The following WWTR1 variants were observed in gnomAD, a reference collection of about 807,000 sequenced individuals.
WWTR1 encodes the protein WW domain containing transcription regulator 1.
WWTR1 carries 13 observed loss-of-function variants against 40.1 expected under a neutral mutation model. The ratio of observed to expected loss-of-function variants is 0.32; its 90% CI spans 0.21 to 0.52. The LOEUF is 0.52. Among genes scored for constraint, WWTR1 ranks in the 20% least tolerant of loss-of-function variants. WWTR1 has a pLI of 0.97. For synonymous variants in WWTR1, 230 were observed against 210.1 expected (o/e 1.09, Z -0.82); for missense variants, 436 against 523.1 (o/e 0.83, Z 1.63).
Position 149,639,497 on chromosome 3 carries a change from G to A in WWTR1, c.431+17379C>T, listed in dbSNP as rs114913301. 7.9e-3 allele frequency among the ~76,000 whole-genome samples: 1,209 copies of A among 152,174 alleles called. 17 individuals are homozygous for A. The highest frequency in any genetic ancestry group is 0.027 in the African/African-American group (1,135 of 41,530). ...TTCTGGGATTATAAGTGTGAGCCAC[G>A]ACAACCTAAAGTTACCTCTTCTATT... On this transcript the variant is annotated intron_variant, in intron 2 of 6. Transcript: ENST00000360632.
intron 2 of WWTR1, among the ~76,000 whole-genome samples, chr3:149,597,549 G>A (rs1388739368): frequency 6.6e-6 from 1 of 152,160 alleles, no homozygotes; most frequent in Admixed American, 6.5e-5. Context: ...AGAGGCTGGG[G>A]TGGAAGGATC....
intron 2 of WWTR1, among the ~76,000 whole-genome samples, chr3:149,641,818 A>G (rs1436807293): frequency 6.6e-6 from 1 of 152,244 alleles, no homozygotes; most frequent in Non-Finnish European, 1.5e-5. Context: ...CAATGTTTCC[A>G]CTGTGTACCA....
chr3:149,580,527 C>T (rs960243506), intron 2 of WWTR1, among the ~76,000 whole-genome samples: 3 of 152,218 alleles, frequency 2.0e-5, no homozygotes, highest in African/African-American at 4.8e-5. Context: ...GTAGAAGCCC[C>T]ATCGCAGTGG....
intron 4 of WWTR1, among the ~76,000 whole-genome samples, chr3:149,538,549 A>G (rs761772948): frequency 3.5e-4 from 54 of 152,328 alleles, no homozygotes; most frequent in Non-Finnish European, 7.1e-4. Context: ...CTCTGTTGCT[A>G]CACCAGCCAA....
intron 2 of WWTR1, among the ~76,000 whole-genome samples, chr3:149,593,161 A>G (rs1441876037): frequency 6.6e-6 from 1 of 152,242 alleles, no homozygotes; most frequent in Admixed American, 6.5e-5. Context: ...CACTCCTGCC[A>G]GTTCAGTGCA....
chr3:149,601,070 C>A (rs1023512438), intron 2 of WWTR1, among the ~76,000 whole-genome samples: 12 of 152,332 alleles, frequency 7.9e-5, no homozygotes, highest in Middle Eastern at 3.4e-3. Context: ...ATTTTAACCA[C>A]CCTCCCAAGT....
At chr3:149,588,222 A>G (rs1738522218) in intron 2 of WWTR1, among the ~76,000 whole-genome samples, 1 of 152,218 alleles carries the variant, frequency 6.6e-6, no homozygotes, top group African/African-American at 2.4e-5. Flanking sequence ...CCAGCCTGGC[A>G]TATGAACGTG....
chr3:149,543,126 G>GA (rs1030431224), intron 3 of WWTR1, among the ~76,000 whole-genome samples: 1 of 152,082 alleles, frequency 6.6e-6, no homozygotes, highest in East Asian at 1.9e-4. Context: ...ATCTGACTGA[G>GA]AAAAAAATGT....
intron 1 of WWTR1, among the ~76,000 whole-genome samples, chr3:149,675,694 G>A (rs1422667616): frequency 1.3e-5 from 2 of 152,002 alleles, no homozygotes; most frequent in East Asian, 3.9e-4. Flanking sequence ...GTGGAGTGAA[G>A]GAGTAATATT....
intron 2 of WWTR1, among the ~76,000 whole-genome samples, chr3:149,609,535 A>G (rs544398718): frequency 1.3e-5 from 2 of 152,362 alleles, no homozygotes; most frequent in South Asian, 2.1e-4. Flanking sequence ...GTGTCCATAA[A>G]TACAGTTGTA....
At chr3:149,664,682 G>A (rs191701911) in intron 2 of WWTR1, among the ~76,000 whole-genome samples, 305 of 150,922 alleles carry the variant, frequency 2.0e-3, no homozygotes, top group African/African-American at 7.0e-3. Context: ...TCCACCTCCC[G>A]GGTTCAAACG....
At chr3:149,580,209 A>G (rs1738077877) in intron 2 of WWTR1, among the ~76,000 whole-genome samples, 2 of 152,106 alleles carry the variant, frequency 1.3e-5, no homozygotes, top group Admixed American at 1.3e-4. Flanking sequence ...AATGACATAT[A>G]TCTTACTCAT....
intron 2 of WWTR1, among the ~76,000 whole-genome samples, chr3:149,645,270 G>C (rs1021808377): frequency 6.6e-6 from 1 of 151,294 alleles, no homozygotes; most frequent in Non-Finnish European, 1.5e-5. Context: ...TAGTAGAGAT[G>C]GGGTTTCACC....
chr3:149,520,459 C>A lies in WWTR1; in HGVS notation c.*346G>T. 5.7e-6 allele frequency: 1 copy of A among 175,840 alleles called. No homozygotes were observed. Among genetic ancestry groups the A allele is most frequent in the Non-Finnish European group, 1.2e-5 (1 of 84,380 alleles). 10.9% of individuals were successfully genotyped at this position (175,840 alleles called of 1,614,324 possible). A position where few individuals can be genotyped will look rare whatever the true frequency, so the allele number is the denominator to read the frequency against. ...TGGTCAGCTTTTTATGGTTTAAAAT[C>A]AATTGGTGTATAAATTTCAATTAAC... On this transcript the variant is annotated 3_prime_UTR_variant, in exon 7 of 7. Coordinates refer to ENST00000360632, the MANE Select transcript of WWTR1 (RefSeq NM_015472.6).
rs1576536289 is a variant in WWTR1 at position 149,526,119 on chromosome 3, T to C, written c.912A>G (p.Pro304=). 1.2e-6 allele frequency: 2 copies of C among 1,601,472 alleles called. No individual in the cohort carries two copies. Among genetic ancestry groups the C allele is most frequent in the Non-Finnish European group, 1.7e-6 (2 of 1,174,462 alleles). ...NSSDPFLNGG[P]YHSREQSTDS... ...CAGTGCTCTGCTCCCTCGAATGATA[T>C]GGCCCTCTGCAAAGCAAAAGATGAA... Residue 304 remains proline, a synonymous_variant, in exon 6 of 7, where the codon CCA becomes CCG. Coordinates refer to ENST00000360632, the MANE Select transcript of WWTR1 (RefSeq NM_015472.6).
At chr3:149,611,455 A>G (rs1739738239) in intron 2 of WWTR1, among the ~76,000 whole-genome samples, 1 of 152,240 alleles carries the variant, frequency 6.6e-6, no homozygotes, top group African/African-American at 2.4e-5. Context: ...AAAGCCAAAA[A>G]ACAATCTGGA....
intron 2 of WWTR1, among the ~76,000 whole-genome samples, chr3:149,647,336 T>C (rs775325827): frequency 6.6e-6 from 1 of 152,196 alleles, no homozygotes; most frequent in Non-Finnish European, 1.5e-5. Flanking sequence ...CCTGAAAACA[T>C]GAACTTTCGA....
upstream of WWTR1, among the ~76,000 whole-genome samples, chr3:149,704,370 C>G (rs561371989): frequency 6.6e-6 from 1 of 152,094 alleles, no homozygotes; most frequent in Non-Finnish European, 1.5e-5. Flanking sequence ...AAGAAGCAAG[C>G]CATTTCCCAG....
At chr3:149,663,704 A>T (rs566300491) in intron 2 of WWTR1, among the ~76,000 whole-genome samples, 38 of 152,114 alleles carry the variant, frequency 2.5e-4, no homozygotes, top group Admixed American at 1.6e-3. Context: ...TTAAAAAAAA[A>T]TTTTCTTATG....
Sources: gnomAD v4.1 joint callset for allele counts (sites outside exome capture counted in the v4.1 genomes callset) on GRCh38, gnomAD v4.1.1 for gene constraint, MANE v1.5 for transcripts, NCBI Gene and HGNC (gene_info 2026-07-23, HGNC 2026-07-21) for gene names.